PRKN: variants seen among roughly 807,000 people sequenced by gnomAD.
PRKN encodes the protein E3 ubiquitin-protein ligase parkin.
PRKN carries 56 observed loss-of-function variants against 59.5 expected under a neutral mutation model. The ratio of observed to expected loss-of-function variants is 0.94; its 90% CI spans 0.76 to 1.18. PRKN has a LOEUF of 1.18. Ranked by LOEUF, PRKN falls within the 50% of genes most tolerant of loss-of-function variation. The pLI is 0.00. For synonymous variants in PRKN, 250 were observed against 222.1 expected (o/e 1.13, Z -1.12); for missense variants, 657 against 596.4 (o/e 1.10, Z -1.06).
At chr6:161,633,305 T>C (rs930344569) in intron 7 of PRKN, among the ~76,000 whole-genome samples, 2 of 152,216 alleles carry the variant, frequency 1.3e-5, no homozygotes, top group African/African-American at 2.4e-5. Context: ...CAGTTTGTCA[T>C]ACTGTGTTTT....
In PRKN at chr6:162,308,906, T is replaced by C. The variant is rs138760183; in HGVS notation, c.172-46141A>G. On this transcript the variant is annotated intron_variant, in intron 2 of 11. Transcript: ENST00000366898. ...TATTCTGGGTTTTTTTTTCCTAGCA[T>C]AGTTATTCAACTAAGATATTTTAAT... is the stretch of plus-strand genomic sequence containing the variant. 3.4e-3 allele frequency among the ~76,000 whole-genome samples: 520 copies of C among 152,240 alleles called. 11 individuals are homozygous for C. Among genetic ancestry groups the C allele is most frequent in the African/African-American group, 0.012 (495 of 41,536 alleles).
At position 161,474,687 on chromosome 6, in the gene PRKN, T is replaced by C. The variant is rs564770740; in HGVS notation, c.1083+74167A>G. Among the ~76,000 whole-genome samples the C allele has an allele frequency of 3.6e-4, 54 of 151,358 alleles. No individual in the cohort carries two copies. In the South Asian group the frequency reaches 4.0e-3, roughly 11 times the overall value. ...TCGGCTCACTGCAAGCTCCGCCTCG[T>C]GGGTTCACGCCATTCTCCTGCCTCA... On this transcript the variant is annotated intron_variant, in intron 9 of 11. Transcript: ENST00000366898.
At chr6:161,837,402 C>T (rs1179232889) in intron 6 of PRKN, among the ~76,000 whole-genome samples, 1 of 152,168 alleles carries the variant, frequency 6.6e-6, no homozygotes, top group African/African-American at 2.4e-5. Context: ...AGTTCACTTA[C>T]AGTGAGACTG....
chr6:162,300,651 T>C (rs1781901522), intron 2 of PRKN, among the ~76,000 whole-genome samples: 1 of 152,124 alleles, frequency 6.6e-6, no homozygotes. Flanking sequence ...TTAACCTTTA[T>C]CGGGCAAGCT....
At chr6:161,808,087 C>T (rs1377141479) in intron 6 of PRKN, among the ~76,000 whole-genome samples, 1 of 152,048 alleles carries the variant, frequency 6.6e-6, no homozygotes, top group African/African-American at 2.4e-5. Flanking sequence ...GAATAAGGTA[C>T]CCCTAACTTT....
At chr6:161,686,654 C>A (rs1785567860) in intron 7 of PRKN, among the ~76,000 whole-genome samples, 1 of 152,190 alleles carries the variant, frequency 6.6e-6, no homozygotes, top group African/African-American at 2.4e-5. Context: ...TTTCAAACTA[C>A]TTCCTATCCA....
At chr6:162,465,467 A>C (rs899180667) in intron 1 of PRKN, among the ~76,000 whole-genome samples, 2 of 152,210 alleles carry the variant, frequency 1.3e-5, no homozygotes, top group African/African-American at 2.4e-5. Context: ...CATGTTAGAC[A>C]TAAATAGTGT....
chr6:161,911,799 A>C (rs1239111193), intron 6 of PRKN, among the ~76,000 whole-genome samples: 8 of 152,216 alleles, frequency 5.3e-5, no homozygotes. Context: ...TTTAATTTAG[A>C]TCTCCATTGT....
In PRKN at chr6:161,547,482, C is replaced by G. The variant is rs1380910715; in HGVS notation, c.1083+1372G>C. ...ACATTCTTAAAGCAAGGTCAACAAC[C>G]AAATGCAAAAGATGGGCCAGCAAAA... On this transcript the variant is annotated intron_variant, in intron 9 of 11. Coordinates refer to ENST00000366898, the MANE Select transcript of PRKN (RefSeq NM_004562.3). This position sits in a 1 kb window ranked among gnomAD's most constrained non-coding sequence, Gnocchi z 4.0. 1.3e-5 allele frequency among the ~76,000 whole-genome samples: 2 copies of G among 152,142 alleles called. No homozygotes were observed. The highest frequency in any genetic ancestry group is 2.9e-5 in the Non-Finnish European group (2 of 68,014).
intron 6 of PRKN, among the ~76,000 whole-genome samples, chr6:161,805,141 T>C (rs1319055829): frequency 1.3e-5 from 2 of 152,314 alleles, no homozygotes; most frequent in Non-Finnish European, 2.9e-5. Flanking sequence ...AATACAGTCA[T>C]GAATTTTCTG....
chr6:161,591,725 A>C (rs1781733033), intron 7 of PRKN, among the ~76,000 whole-genome samples: 1 of 152,198 alleles, frequency 6.6e-6, no homozygotes, highest in Non-Finnish European at 1.5e-5. Context: ...TGATGTGCTT[A>C]ATCAACTGAA....
At chr6:161,817,198 T>C (rs901236953) in intron 6 of PRKN, among the ~76,000 whole-genome samples, 2 of 152,154 alleles carry the variant, frequency 1.3e-5, no homozygotes, top group Non-Finnish European at 2.9e-5. Flanking sequence ...AGGAAAAGAA[T>C]AGGAAGAAAA....
chr6:162,497,893 T>C (rs1304563996), intron 1 of PRKN, among the ~76,000 whole-genome samples: 1 of 152,162 alleles, frequency 6.6e-6, no homozygotes, highest in Admixed American at 6.5e-5. Context: ...TATTTCAAAA[T>C]AGCTAGAAGA....
intron 1 of PRKN, among the ~76,000 whole-genome samples, chr6:162,472,397 C>T (rs2128178753): frequency 7.1e-6 from 1 of 139,902 alleles, no homozygotes; most frequent in African/African-American, 2.7e-5. Flanking sequence ...CACTCTGTGT[C>T]CAAGTGTTCT....
rs1358125204 is a variant in PRKN at position 161,417,443 on chromosome 6, C to T, written c.1084-30566G>A. Among the ~76,000 whole-genome samples the T allele has an allele frequency of 8.4e-6, 1 of 118,464 alleles. No homozygotes were observed. Among genetic ancestry groups the T allele is most frequent in the Non-Finnish European group, 1.7e-5 (1 of 57,868 alleles). 77.7% of individuals were successfully genotyped at this position (118,464 alleles called of 152,430 possible). A position where few individuals can be genotyped will look rare whatever the true frequency, so the allele number is the denominator to read the frequency against. On this transcript the variant is annotated intron_variant, in intron 9 of 11. Coordinates refer to ENST00000366898, the MANE Select transcript of PRKN (RefSeq NM_004562.3). The surrounding 1 kb of genome is among the most constrained non-coding windows in gnomAD (Gnocchi z 5.4). ...CCAGCCTGGCAACAGAGCCAGACGC[C>T]GTTTCAAAAAAAAAAAAAAAAAGTC...
At chr6:162,213,527 A>G (rs1777492991) in intron 3 of PRKN, among the ~76,000 whole-genome samples, 1 of 152,100 alleles carries the variant, frequency 6.6e-6, no homozygotes, top group Non-Finnish European at 1.5e-5. Context: ...GGAGTTCGAG[A>G]TCAGCCTGGG....
intron 2 of PRKN, among the ~76,000 whole-genome samples, chr6:162,360,437 G>C (rs1785085643): frequency 6.6e-6 from 1 of 152,142 alleles, no homozygotes; most frequent in East Asian, 1.9e-4. Context: ...TTTTGAAGGA[G>C]AAAGGCTTTC....
chr6:161,524,094 T>C (rs1283186350), intron 9 of PRKN, among the ~76,000 whole-genome samples: 1 of 152,222 alleles, frequency 6.6e-6, no homozygotes, highest in African/African-American at 2.4e-5. Context: ...TCCACTATTT[T>C]CTATTTGTGA....
intron 6 of PRKN, among the ~76,000 whole-genome samples, chr6:161,864,756 A>G (rs1583266918): frequency 6.6e-6 from 1 of 152,038 alleles, no homozygotes; most frequent in African/African-American, 2.4e-5. Flanking sequence ...TCCCAAGTTC[A>G]AGTGATTCTC....
Sources: gnomAD v4.1 joint callset for allele counts (sites outside exome capture counted in the v4.1 genomes callset) on GRCh38, gnomAD v4.1.1 for gene constraint, Gnocchi (gnomAD v3.1) non-coding constraint, MANE v1.5 for transcripts, NCBI Gene and HGNC (gene_info 2026-07-23, HGNC 2026-07-21) for gene names.